SNX24: variants seen among roughly 807,000 people sequenced by gnomAD.
SNX24 encodes the protein sorting nexin 24.
SNX24 carries 22 observed loss-of-function variants against 28.7 expected under a neutral mutation model. The observed-to-expected ratio is 0.77, with a 90% confidence interval of 0.55 to 1.10. The LOEUF (loss-of-function observed/expected upper bound fraction) is 1.10, where lower values mean the gene tolerates loss of function less well. Among genes scored for constraint, SNX24 ranks in the 50% least tolerant of loss-of-function variants. The probability of loss-of-function intolerance (pLI) is 0.00; values close to 1 mark genes in which losing one functional copy is unlikely to be tolerated. For synonymous variants in SNX24, 69 were observed against 71.5 expected (o/e 0.96, Z 0.18); for missense variants, 221 against 201.1 (o/e 1.10, Z -0.60).
At chr5:122,883,379 G>C (rs1455640200) in intron 1 of SNX24, among the ~76,000 whole-genome samples, 2 of 152,132 alleles carry the variant, frequency 1.3e-5, no homozygotes, top group South Asian at 4.1e-4. Context: ...AGCATTTTCT[G>C]TATTTATTAA....
intron 5 of SNX24, among the ~76,000 whole-genome samples, chr5:123,018,963 G>C (rs943317564): frequency 3.9e-5 from 6 of 152,160 alleles, no homozygotes; most frequent in Non-Finnish European, 7.3e-5. Flanking sequence ...GGGATTACAG[G>C]CATGAGCCAC....
rs976136786 is a variant in SNX24 at position 122,900,006 on chromosome 5, A to G, written c.61-36728A>G. ...ATATTGTGTGTATTTAAGATGTGCA[A>G]TATGGTGTGGGTTTTTTTTTGTTTG... On this transcript the variant is annotated intron_variant, in intron 1 of 6. Transcript: ENST00000261369. 2.0e-4 allele frequency among the ~76,000 whole-genome samples: 30 copies of G among 151,922 alleles called. 1 individual carries two copies. Among genetic ancestry groups the G allele is most frequent in the Non-Finnish European group, 1.0e-4 (7 of 67,968 alleles).
intron 3 of SNX24, among the ~76,000 whole-genome samples, chr5:122,981,949 G>T (rs1238355382): frequency 6.6e-6 from 1 of 152,188 alleles, no homozygotes; most frequent in Non-Finnish European, 1.5e-5. Context: ...CTTAAAATGT[G>T]GATTTTGGAA....
chr5:122,892,729 T>A (rs757222139), intron 1 of SNX24, among the ~76,000 whole-genome samples: 2 of 144,316 alleles, frequency 1.4e-5, no homozygotes. Context: ...TGAGCCACCG[T>A]GCCCAGCCCA....
intron 1 of SNX24, among the ~76,000 whole-genome samples, chr5:122,913,470 T>A (rs1758001185): frequency 6.6e-6 from 1 of 150,634 alleles, no homozygotes. Context: ...CCGGACGGGG[T>A]GGCTGCCTGG....
intron 6 of SNX24, among the ~76,000 whole-genome samples, chr5:123,005,987 T>G (rs1475274555): frequency 6.6e-6 from 1 of 152,214 alleles, no homozygotes; most frequent in Non-Finnish European, 1.5e-5. Flanking sequence ...GTGTGTTCAT[T>G]CGCTTGTCTC....
At chr5:123,013,245 A>C (rs545456582), downstream of SNX24, among the ~76,000 whole-genome samples, 1 of 152,364 alleles carries the variant, frequency 6.6e-6, no homozygotes, top group East Asian at 1.9e-4. Context: ...TATGTTAATT[A>C]CTTAAAGAAT....
At chr5:122,992,038 G>A (rs1205326854) in intron 3 of SNX24, among the ~76,000 whole-genome samples, 1 of 152,126 alleles carries the variant, frequency 6.6e-6, no homozygotes, top group East Asian at 1.9e-4. Context: ...ATGTAGCATA[G>A]TGCTATTATG....
intron 1 of SNX24, among the ~76,000 whole-genome samples, chr5:122,884,651 TAG>T (rs1401569571): frequency 1.3e-5 from 2 of 152,138 alleles, no homozygotes; most frequent in Non-Finnish European, 2.9e-5. Flanking sequence ...ACTTTAATAA[TAG>T]AGAATAAGCA....
intron 1 of SNX24, among the ~76,000 whole-genome samples, chr5:122,861,867 G>A (rs2150042813): frequency 6.6e-6 from 1 of 152,204 alleles, no homozygotes; most frequent in South Asian, 2.1e-4. Context: ...TAAACTGTAA[G>A]CTTCTCTCTT....
chr5:122,882,659 GA>G (rs897178058), intron 1 of SNX24, among the ~76,000 whole-genome samples: 1 of 152,052 alleles, frequency 6.6e-6, no homozygotes, highest in African/African-American at 2.4e-5. Flanking sequence ...GGACCTATGG[GA>G]AAAAATATAG....
chr5:122,919,471 T>C (rs1014947923), intron 1 of SNX24, among the ~76,000 whole-genome samples: 13 of 152,184 alleles, frequency 8.5e-5, no homozygotes, highest in East Asian at 3.8e-4. Context: ...TAGGGTCATA[T>C]CTTGCAGTCA....
intron 1 of SNX24, among the ~76,000 whole-genome samples, chr5:122,926,347 G>A (rs1758693686): frequency 6.6e-6 from 1 of 152,154 alleles, no homozygotes; most frequent in African/African-American, 2.4e-5. Context: ...ATTGAAAAGG[G>A]CCACTTTGGC....
At chr5:122,885,052 A>G (rs1241848192) in intron 1 of SNX24, among the ~76,000 whole-genome samples, 1 of 152,174 alleles carries the variant, frequency 6.6e-6, no homozygotes, top group Admixed American at 6.5e-5. Flanking sequence ...TTAGAAGTAA[A>G]CAAGTCAAAT....
intron 1 of SNX24, among the ~76,000 whole-genome samples, chr5:122,906,886 CAG>C (rs142137365): frequency 0.028 from 4,244 of 152,304 alleles, 76 homozygotes; most frequent in Middle Eastern, 0.054. Context: ...GAGTAAGTGA[CAG>C]GGGCAGGATT....
At chr5:122,866,139 C>G (rs145924156) in intron 1 of SNX24, among the ~76,000 whole-genome samples, 1 of 152,154 alleles carries the variant, frequency 6.6e-6, no homozygotes, top group Non-Finnish European at 1.5e-5. Flanking sequence ...GTGGTCATAG[C>G]TGGCATTGTT....
chr5:122,853,227 C>T (rs578172498), intron 1 of SNX24, among the ~76,000 whole-genome samples: 2 of 148,724 alleles, frequency 1.3e-5, no homozygotes, highest in Non-Finnish European at 3.0e-5. Flanking sequence ...CCCAGGTTCA[C>T]GCCATTCTCC....
At chr5:122,870,740 A>C (rs549491825) in intron 1 of SNX24, among the ~76,000 whole-genome samples, 1 of 152,188 alleles carries the variant, frequency 6.6e-6, no homozygotes, top group Non-Finnish European at 1.5e-5. Flanking sequence ...AGTTGGGGGA[A>C]GTGCCTGAGA....
At chr5:123,000,112 G>T (rs45551539) in intron 4 of SNX24, 106 bp downstream of exon 4, 128 of 764,340 alleles carry the variant, frequency 1.7e-4, no homozygotes, top group Middle Eastern at 2.3e-4. Context: ...TGCCGGCCAC[G>T]CCCACTCTTT....
Sources: gnomAD v4.1 joint callset for allele counts (sites outside exome capture counted in the v4.1 genomes callset) on GRCh38, gnomAD v4.1.1 for gene constraint, MANE v1.5 for transcripts, NCBI Gene and HGNC (gene_info 2026-07-23, HGNC 2026-07-21) for gene names.